Variants in LRP1B observed in about 807,000 individuals in gnomAD.
LRP1B encodes the protein low-density lipoprotein receptor-related protein 1B.
Under a neutral mutation model 556.6 loss-of-function variants are expected in LRP1B, and 217 were observed. The ratio of observed to expected loss-of-function variants is 0.39; its 90% CI spans 0.35 to 0.44. The LOEUF (loss-of-function observed/expected upper bound fraction) is 0.44, where lower values mean the gene tolerates loss of function less well. Among genes scored for constraint, LRP1B ranks in the 20% least tolerant of loss-of-function variants. The pLI is 1.00. For synonymous variants in LRP1B, 2,047 were observed against 1,865.8 expected (o/e 1.10, Z -2.50); for missense variants, 5,053 against 5,620.8 (o/e 0.90, Z 3.23).
At chr2:141,002,432 C>A (rs996800808) in intron 15 of LRP1B, among the ~76,000 whole-genome samples, 3 of 151,930 alleles carry the variant, frequency 2.0e-5, no homozygotes, top group Non-Finnish European at 4.4e-5. Flanking sequence ...CCCTCGATAT[C>A]CAGGGGGGAT....
At chr2:141,945,952 ATTTATTTATTTATTTTT>A (rs1405844753) in intron 1 of LRP1B, among the ~76,000 whole-genome samples, 1 of 151,702 alleles carries the variant, frequency 6.6e-6, no homozygotes, top group Non-Finnish European at 1.5e-5. Flanking sequence ...TTATTTATTT[ATTTATTTATTTATTTTT>A]ATCTAATTAT....
chr2:141,597,989 A>G (rs953281642), intron 2 of LRP1B, among the ~76,000 whole-genome samples: 1 of 152,108 alleles, frequency 6.6e-6, no homozygotes, highest in African/African-American at 2.4e-5. Context: ...CCCAAAAGAA[A>G]ATGGCCTACA....
At chr2:142,123,998 C>T (rs1707551350) in intron 1 of LRP1B, among the ~76,000 whole-genome samples, 2 of 151,756 alleles carry the variant, frequency 1.3e-5, no homozygotes, top group South Asian at 4.1e-4. Context: ...CATTATTAAA[C>T]AAATATGAGT....
At chr2:140,520,678 T>G (rs769083989) in intron 49 of LRP1B, among the ~76,000 whole-genome samples, 1 of 151,430 alleles carries the variant, frequency 6.6e-6, no homozygotes, top group Non-Finnish European at 1.5e-5. Context: ...ATATAATTAA[T>G]TTTTTTAATG....
intron 66 of LRP1B, among the ~76,000 whole-genome samples, chr2:140,417,222 T>A (rs79319881): frequency 0.15 from 22,659 of 152,238 alleles, 2,054 homozygotes; most frequent in East Asian, 0.32. Flanking sequence ...ACTGACAGCA[T>A]CATTCTTAGT....
intron 2 of LRP1B, among the ~76,000 whole-genome samples, chr2:141,496,721 A>C (rs563488579): frequency 6.6e-6 from 1 of 152,112 alleles, no homozygotes; most frequent in Admixed American, 6.6e-5. Context: ...TCTTCTAAAC[A>C]CTACATAGGA....
intron 1 of LRP1B, among the ~76,000 whole-genome samples, chr2:141,853,909 C>T (rs976621554): frequency 4.0e-5 from 6 of 151,828 alleles, no homozygotes; most frequent in Non-Finnish European, 8.8e-5. Flanking sequence ...TTTGTTGTGA[C>T]TTGAGCCAGA....
intron 86 of LRP1B, among the ~76,000 whole-genome samples, chr2:140,259,050 C>G (rs1229753614): frequency 2.0e-5 from 3 of 152,088 alleles, no homozygotes; most frequent in Non-Finnish European, 4.4e-5. Flanking sequence ...GAATTTCAAA[C>G]TCTAGCTAAG....
At chr2:140,407,411 A>G (rs1301924229) in intron 66 of LRP1B, among the ~76,000 whole-genome samples, 4 of 152,058 alleles carry the variant, frequency 2.6e-5, no homozygotes, top group African/African-American at 4.8e-5. Context: ...ATAAGAGACA[A>G]TATTTGCAAA....
rs1433618941 is a variant in LRP1B at position 140,532,944 on chromosome 2, A to ATCTC, written c.7762+1076_7762+1077insGAGA. 6.7e-5 allele frequency among the ~76,000 whole-genome samples: 8 copies of ATCTC among 119,868 alleles called. No individual in the cohort carries two copies. In the South Asian group the frequency reaches 1.6e-3, roughly 24 times the overall value. 78.6% of individuals were successfully genotyped at this position (119,868 alleles called of 152,430 possible). On this transcript the variant is annotated intron_variant, in intron 47 of 90. Coordinates refer to ENST00000389484, the MANE Select transcript of LRP1B (RefSeq NM_018557.3). Reference sequence around the variant, plus strand: ...CACAGCACAAGATATATATATATATATATACACATATATATCTCGATCTGT... The same window carrying ATCTC: ...CACAGCACAAGATATATATATATATATCTCTATACACATATATATCTCGATCTGT...
intron 66 of LRP1B, among the ~76,000 whole-genome samples, chr2:140,423,036 AT>A (rs1333478616): frequency 1.3e-5 from 2 of 152,318 alleles, no homozygotes; most frequent in African/African-American, 2.4e-5. Flanking sequence ...TCGATGAATA[AT>A]TTTGCAATGT....
chr2:140,277,778 C>T lies in LRP1B; in HGVS notation c.12968-3180G>A, dbSNP rs115947411. On this transcript the variant is annotated intron_variant, in intron 84 of 90. Transcript: ENST00000389484. ...GTGGAAACTCTCATCTACTACTACT[C>T]GTGGGAGAGAATGTTGGTGCAACCA... Among the ~76,000 whole-genome samples the T allele has an allele frequency of 9.0e-3, 1,372 of 152,026 alleles. 11 individuals are homozygous for T. The highest frequency in any genetic ancestry group is 0.031 in the Middle Eastern group (9 of 294).
At chr2:141,238,905 A>C (rs746826660) in intron 5 of LRP1B, among the ~76,000 whole-genome samples, 4 of 152,074 alleles carry the variant, frequency 2.6e-5, no homozygotes, top group Non-Finnish European at 5.9e-5. Flanking sequence ...ATTTCTGTTA[A>C]ATATCCAAAT....
At chr2:141,487,324 C>T (rs1345527812) in intron 2 of LRP1B, among the ~76,000 whole-genome samples, 1 of 152,154 alleles carries the variant, frequency 6.6e-6, no homozygotes, top group East Asian at 1.9e-4. Flanking sequence ...AATGCAAACA[C>T]CTGGCAGGTT....
chr2:141,783,845 A>G (rs1695339913), intron 2 of LRP1B, among the ~76,000 whole-genome samples: 1 of 151,846 alleles, frequency 6.6e-6, no homozygotes. Context: ...TAAGATGGTA[A>G]TTACAAATAT....
chr2:141,702,249 C>G (rs1413021388), intron 2 of LRP1B, among the ~76,000 whole-genome samples: 1 of 151,788 alleles, frequency 6.6e-6, no homozygotes, highest in Non-Finnish European at 1.5e-5. Flanking sequence ...AGGTTACCAA[C>G]TACAATGCTT....
chr2:141,075,593 A>G (rs1453324136), intron 7 of LRP1B, among the ~76,000 whole-genome samples: 1 of 152,186 alleles, frequency 6.6e-6, no homozygotes, highest in Non-Finnish European at 1.5e-5. Flanking sequence ...ATTTGATGTA[A>G]TATATTAGAA....
chr2:142,035,731 C>A (rs1383942900), intron 1 of LRP1B, among the ~76,000 whole-genome samples: 1 of 151,636 alleles, frequency 6.6e-6, no homozygotes, highest in Non-Finnish European at 1.5e-5. Context: ...CCAATCTCAA[C>A]TTTGCCCAAA....
At chr2:141,278,341 G>T (rs1042344757) in intron 3 of LRP1B, among the ~76,000 whole-genome samples, 3 of 152,082 alleles carry the variant, frequency 2.0e-5, no homozygotes, top group Non-Finnish European at 4.4e-5. Flanking sequence ...GCAAAGATAG[G>T]CTTCCTAGTA....
Sources: gnomAD v4.1 joint callset for allele counts (sites outside exome capture counted in the v4.1 genomes callset) on GRCh38, gnomAD v4.1.1 for gene constraint, MANE v1.5 for transcripts, NCBI Gene and HGNC (gene_info 2026-07-23, HGNC 2026-07-21) for gene names.